ASAH1: variants seen among roughly 807,000 people sequenced by gnomAD.
The protein encoded by ASAH1 is acid ceramidase.
In ASAH1, 70 loss-of-function variants were observed where a neutral mutation model predicts 59.5. The observed-to-expected ratio is 1.18, with a 90% CI of 0.97 to 1.43. The LOEUF is 1.43. ASAH1 is among the 40% of genes most tolerant of loss of function. ASAH1 has a pLI of 0.00. For missense variants in ASAH1, 660 were observed against 482.5 expected (o/e 1.37, Z -3.45); for synonymous variants, 213 against 166.5 (o/e 1.28, Z -2.15).
chr8:18,060,967 G>C (rs147400985), intron 10 of ASAH1: 110 of 187,886 alleles, frequency 5.9e-4, no homozygotes, highest in Admixed American at 8.9e-4. Flanking sequence ...TGCTCAGACT[G>C]GTCTCAAACC....
upstream of ASAH1, chr8:18,084,766 G>A: frequency 6.2e-7 from 1 of 1,613,554 alleles, no homozygotes; most frequent in Non-Finnish European, 8.5e-7. Flanking sequence ...GGTGGGACCC[G>A]CGAGCTTTCT....
chr8:18,068,509 G>C (rs1397743695), intron 4 of ASAH1: 1 of 152,162 alleles, frequency 6.6e-6, no homozygotes, highest in East Asian at 1.9e-4. Context: ...GTGCTTGGCA[G>C]GTACAAGTGT....
chr8:18,069,152 A>G (rs1282423346), intron 4 of ASAH1, among the ~76,000 whole-genome samples: 1 of 151,788 alleles, frequency 6.6e-6, no homozygotes, highest in Admixed American at 6.6e-5. Flanking sequence ...AAAAAAAAAA[A>G]AAAAAAAAAG....
intron 5 of ASAH1, chr8:18,066,266 G>A (rs1799923663): frequency 6.6e-6 from 1 of 151,800 alleles, no homozygotes; most frequent in South Asian, 2.1e-4. Context: ...AAAAGTAAGA[G>A]AATAAAAATG....
intron 1 of ASAH1, among the ~76,000 whole-genome samples, chr8:18,077,657 G>A (rs1001230553): frequency 6.6e-5 from 10 of 152,158 alleles, no homozygotes; most frequent in Admixed American, 1.3e-4. Flanking sequence ...GGTTCTCAAT[G>A]ACATGTAAAA....
Position 18,062,583 on chromosome 8 carries a change from A to C in ASAH1, c.504-160T>G. On this transcript the variant is annotated intron_variant, in intron 7 of 13. Transcript: ENST00000637790. ...ATATGGTATATTTATTCTGTTTTCC[A>C]AATGATAAAATTGAGGTTCAGAGAA... 3.8e-6 allele frequency: 3 copies of C among 797,832 alleles called. No individual in the cohort carries two copies. In the Admixed American group the frequency reaches 7.4e-5, roughly 20 times the overall value. 49.4% of individuals were successfully genotyped at this position (797,832 alleles called of 1,614,324 possible). A position where few individuals can be genotyped will look rare whatever the true frequency, so the allele number is the denominator to read the frequency against.
At chr8:18,076,398 A>C (rs774898349) in intron 1 of ASAH1, 3 of 152,178 alleles carry the variant, frequency 2.0e-5, no homozygotes, top group Admixed American at 2.0e-4. Flanking sequence ...ACGGCCCCCA[A>C]CACTGACGTC....
chr8:18,076,595 A>G (rs1800414466), intron 1 of ASAH1: 1 of 152,260 alleles, frequency 6.6e-6, no homozygotes. Context: ...TGAAAGTAAA[A>G]TAATTGTTTT....
chr8:18,073,730 G>T (rs1371338892), intron 2 of ASAH1, among the ~76,000 whole-genome samples: 1 of 152,162 alleles, frequency 6.6e-6, no homozygotes, highest in Non-Finnish European at 1.5e-5. Flanking sequence ...TGATCTCAAA[G>T]GAACAGAACG....
chr8:18,064,721 T>C lies in ASAH1; in HGVS notation c.383-190A>G, dbSNP rs1433985152. 3 of 559,822 alleles carry C rather than the reference T, an allele frequency of 5.4e-6. No homozygotes were observed. In the Admixed American group the frequency reaches 9.9e-5, roughly 18 times the overall value. The allele number at this position is 559,822 out of a possible 1,614,324, so 34.7% of individuals were successfully genotyped here. ...CTCTCTAGACTCAAGATGAAACAAG[T>C]CACCAAGGAGGCAGCCTTCGGGCGA... On this transcript the variant is annotated intron_variant, in intron 5 of 13. Coordinates refer to ENST00000637790, the MANE Select transcript of ASAH1 (RefSeq NM_177924.5).
At chr8:18,084,929 C>T (rs1225507726), upstream of ASAH1, 1 of 1,380,228 alleles carries the variant, frequency 7.2e-7, no homozygotes, top group Non-Finnish European at 9.9e-7. Flanking sequence ...TCCGTGGACA[C>T]AGTCGCGCGG....
At chr8:18,057,693 T>G in intron 13 of ASAH1, 70 bp from the exon 14 acceptor site, 3 of 1,057,018 alleles carry the variant, frequency 2.8e-6, no homozygotes, top group Non-Finnish European at 4.1e-6. Flanking sequence ...TATTAGCATT[T>G]CTATACTTGT....
intron 4 of ASAH1, among the ~76,000 whole-genome samples, chr8:18,069,078 C>G (rs963514542): frequency 5.5e-5 from 8 of 145,228 alleles, no homozygotes; most frequent in Non-Finnish European, 1.0e-4. Flanking sequence ...GAGATCAAGG[C>G]AGCTGTGAGC....
At position 18,061,375 on chromosome 8, in the gene ASAH1, A is replaced by G. The variant is rs754659903; in HGVS notation, c.785+2T>C. 5 of 1,607,780 alleles carry G rather than the reference A, an allele frequency of 3.1e-6. No individual in the cohort carries two copies. In the Admixed American group the frequency reaches 8.3e-5, roughly 27 times the overall value. On this transcript the variant is annotated splice_donor_variant, in intron 10 of 13. Transcript: ENST00000637790. LOFTEE classifies it high-confidence loss of function. ...TAATAGTAAAGCAACGAAACACTTT[A>G]CCTTGTGCTATTTTCCAGAACTGTT...
In ASAH1 at chr8:18,070,198, G is replaced by A. The variant is rs555438664; in HGVS notation, c.217-320C>T. Among the ~76,000 whole-genome samples the A allele has an allele frequency of 1.8e-4, 28 of 151,638 alleles. No individual in the cohort carries two copies. In the South Asian group the frequency reaches 3.1e-3, roughly 17 times the overall value. On this transcript the variant is annotated intron_variant, in intron 3 of 13. Coordinates refer to ENST00000637790, the MANE Select transcript of ASAH1 (RefSeq NM_177924.5). ...GAGTTTTGCTCTTGTCGCCCAGGCC[G>A]GAGTGCAATGGCACGATCTCTGCTC...
At chr8:18,062,010 A>G in intron 8 of ASAH1, 2 of 619,132 alleles carry the variant, frequency 3.2e-6, no homozygotes, top group Non-Finnish European at 2.8e-6. Context: ...AAGTGAGCGG[A>G]AGACCCAGGA....
At chr8:18,073,023 C>T (rs138377107) in intron 2 of ASAH1, among the ~76,000 whole-genome samples, 1 of 152,232 alleles carries the variant, frequency 6.6e-6, no homozygotes, top group Non-Finnish European at 1.5e-5. Flanking sequence ...ACACAACGGA[C>T]AATGAAGGGA....
chr8:18,064,194 G>A (rs2117036332), intron 6 of ASAH1: 2 of 575,724 alleles, frequency 3.5e-6, no homozygotes, highest in Non-Finnish European at 6.1e-6. Flanking sequence ...AAACTATGAG[G>A]AAGAGAAGAA....
chr8:18,067,140 T>TGTATATCTAAGACATACAGCACCTGTGCC, intron 5 of ASAH1, 80 bp downstream of exon 5: 1 of 1,143,702 alleles, frequency 8.7e-7, no homozygotes, highest in Non-Finnish European at 1.3e-6. Context: ...GCACCTGTGC[T>TGTATATCTAAGACATACAGCACCTGTGCC]GTATGTATAT....
Sources: allele counts gnomAD v4.1 joint callset (sites outside exome capture counted in the v4.1 genomes callset), GRCh38; gene constraint gnomAD v4.1.1; transcripts MANE v1.5; gene names NCBI Gene and HGNC (gene_info 2026-07-23, HGNC 2026-07-21).